The following MGLL variants were observed in gnomAD, a reference collection of about 807,000 sequenced individuals.
MGLL encodes the protein monoglyceride lipase.
A neutral mutation model predicts 29.1 loss-of-function variants in MGLL; 7 were observed. The observed-to-expected ratio is 0.24, with a 90% CI of 0.14 to 0.45. MGLL has a LOEUF of 0.45. Among genes scored for constraint, MGLL ranks in the 20% least tolerant of loss-of-function variants. MGLL has a pLI of 0.99. For missense variants in MGLL, 356 were observed against 413.6 expected, an observed-to-expected ratio of 0.86 and a Z score of 1.21; for synonymous variants, 148 against 168.3, an observed-to-expected ratio of 0.88 and a Z score of 0.93.
chr3:127,772,516 G>A (rs984336980), intron 3 of MGLL, among the ~76,000 whole-genome samples: 13 of 152,202 alleles, frequency 8.5e-5, no homozygotes, highest in South Asian at 6.2e-4. Flanking sequence ...GCACACTACC[G>A]CATGCAAAGC....
chr3:127,800,470 C>A (rs1181515356), intron 2 of MGLL, among the ~76,000 whole-genome samples: 1 of 152,200 alleles, frequency 6.6e-6, no homozygotes, highest in African/African-American at 2.4e-5. Context: ...ACTGTTTCTT[C>A]ATCTGTGAAA....
At chr3:127,711,691 G>A (rs1319904513) in intron 5 of MGLL, 1 of 151,866 alleles carries the variant, frequency 6.6e-6, no homozygotes, top group Non-Finnish European at 1.5e-5. Context: ...AGGCACCGAG[G>A]AACCACCTTC....
At chr3:127,695,762 A>C (rs2075348387) in intron 6 of MGLL, among the ~76,000 whole-genome samples, 1 of 152,220 alleles carries the variant, frequency 6.6e-6, no homozygotes, top group African/African-American at 2.4e-5. Context: ...ATTAAAAAAA[A>C]CGAAAGTTTC....
At chr3:127,694,897 G>A in intron 7 of MGLL, 78 bp downstream of exon 7, 1 of 1,454,074 alleles carries the variant, frequency 6.9e-7, no homozygotes, top group Non-Finnish European at 9.6e-7. Context: ...GAGGGTCTGG[G>A]CAGATGTGCC....
chr3:127,706,959 A>G (rs1159368516), intron 6 of MGLL, among the ~76,000 whole-genome samples: 7 of 152,184 alleles, frequency 4.6e-5, no homozygotes, highest in African/African-American at 7.2e-5. Context: ...GGTGCAGGAC[A>G]GGCAGGCAAC....
rs147373522 is a variant in MGLL at position 127,797,038 on chromosome 3, G to A, written c.156-15143C>T. ...TGCCTTACCCACTCTGCAGAGCTCC[G>A]TGGGAGGCCTGCAATCCACTGGTGT... On this transcript the variant is annotated intron_variant, in intron 2 of 7. Coordinates refer to ENST00000265052, the MANE Select transcript of MGLL (RefSeq NM_007283.7). Among the ~76,000 whole-genome samples, 243 of 152,232 alleles carry A rather than the reference G, an allele frequency of 1.6e-3. 2 individuals are homozygous for A. Among genetic ancestry groups the A allele is most frequent in the African/African-American group, 5.5e-3 (229 of 41,550 alleles).
intron 3 of MGLL, among the ~76,000 whole-genome samples, chr3:127,758,439 G>A (rs1473719882): frequency 6.6e-6 from 1 of 152,234 alleles, no homozygotes; most frequent in African/African-American, 2.4e-5. Context: ...ATACATTATA[G>A]ACTGAACGAA....
intron 3 of MGLL, among the ~76,000 whole-genome samples, chr3:127,734,059 G>C (rs2076200311): frequency 2.0e-5 from 3 of 152,238 alleles, no homozygotes. Flanking sequence ...AACCCTGCTG[G>C]AGCCTTTCCT....
chr3:127,758,128 G>A (rs2076696851), intron 3 of MGLL, among the ~76,000 whole-genome samples: 1 of 152,180 alleles, frequency 6.6e-6, no homozygotes, highest in Non-Finnish European at 1.5e-5. Context: ...CCTTTGCACT[G>A]GCCACCCCCT....
At chr3:127,808,006 C>T (rs546259897) in intron 2 of MGLL, among the ~76,000 whole-genome samples, 3 of 152,060 alleles carry the variant, frequency 2.0e-5, no homozygotes, top group East Asian at 1.9e-4. Flanking sequence ...GTGATCCACC[C>T]GCCTCGGCCT....
chr3:127,812,815 A>C (rs1445082209), intron 2 of MGLL, among the ~76,000 whole-genome samples: 1 of 152,198 alleles, frequency 6.6e-6, no homozygotes, highest in Non-Finnish European at 1.5e-5. Flanking sequence ...AAACTGCTGC[A>C]GTGATGGGTC....
At chr3:127,713,765 T>C (rs2075764048) in intron 5 of MGLL, 1 of 152,272 alleles carries the variant, frequency 6.6e-6, no homozygotes, top group Admixed American at 6.5e-5. Flanking sequence ...ACCTTCATCC[T>C]TGAACATATG....
intron 2 of MGLL, among the ~76,000 whole-genome samples, chr3:127,812,680 A>G (rs2077685157): frequency 6.6e-6 from 1 of 152,228 alleles, no homozygotes; most frequent in African/African-American, 2.4e-5. Context: ...ACGATGGTGC[A>G]GGGAGATGAA....
intron 2 of MGLL, among the ~76,000 whole-genome samples, chr3:127,799,260 T>C (rs1208578165): frequency 2.6e-5 from 4 of 152,094 alleles, no homozygotes; most frequent in African/African-American, 9.7e-5. Flanking sequence ...TGAGCATCAG[T>C]TTTCCAGATG....
In MGLL at chr3:127,728,267, T is replaced by C. The variant is rs185782231; in HGVS notation, c.263-5701A>G. ...CTAATTATTTTCTGTTTTTTCCCTC[T>C]AAGCATTTCTTTTTGCAAAAATAAG... On this transcript the variant is annotated intron_variant, in intron 3 of 7. Transcript: ENST00000265052. Among the ~76,000 whole-genome samples, 401 of 152,344 alleles carry C rather than the reference T, an allele frequency of 2.6e-3. 2 individuals are homozygous for C. Among genetic ancestry groups the C allele is most frequent in the Non-Finnish European group, 4.1e-3 (276 of 68,030 alleles).
chr3:127,742,427 T>C (rs2076358635), intron 3 of MGLL, among the ~76,000 whole-genome samples: 1 of 151,602 alleles, frequency 6.6e-6, no homozygotes. Context: ...CCATCTCTAC[T>C]AAAAATACAA....
chr3:127,782,674 TAG>T (rs2077147757), intron 2 of MGLL, among the ~76,000 whole-genome samples: 1 of 152,148 alleles, frequency 6.6e-6, no homozygotes, highest in Non-Finnish European at 1.5e-5. Context: ...TACGGAGAGC[TAG>T]AGTCTCCTTC....
At chr3:127,817,539 G>A (rs550096679) in intron 2 of MGLL, among the ~76,000 whole-genome samples, 16 of 152,322 alleles carry the variant, frequency 1.1e-4, no homozygotes, top group African/African-American at 3.4e-4. Flanking sequence ...TTCATGCCGG[G>A]CCTTGCAGAT....
At chr3:127,813,161 CT>C in intron 2 of MGLL, among the ~76,000 whole-genome samples, 1 of 152,146 alleles carries the variant, frequency 6.6e-6, no homozygotes, top group African/African-American at 2.4e-5. Context: ...GCCCTTCCAT[CT>C]CTTTCCCTTT....
Sources: gnomAD v4.1 joint callset for allele counts (sites outside exome capture counted in the v4.1 genomes callset) on GRCh38, gnomAD v4.1.1 for gene constraint, MANE v1.5 for transcripts, NCBI Gene and HGNC (gene_info 2026-07-23, HGNC 2026-07-21) for gene names.